NKAIN3: variants seen among roughly 807,000 people sequenced by gnomAD.
NKAIN3 encodes the protein sodium/potassium transporting ATPase interacting 3, also known as sodium/potassium-transporting ATPase subunit beta-1-interacting protein 3.
Under a neutral mutation model 30.2 loss-of-function variants are expected in NKAIN3, and 25 were observed. The ratio of observed to expected loss-of-function variants is 0.83; its 90% CI spans 0.60 to 1.16. NKAIN3 has a LOEUF of 1.16. Ranked by LOEUF, NKAIN3 falls within the 50% of genes most tolerant of loss-of-function variation. NKAIN3 has a pLI of 0.00. For synonymous variants in NKAIN3, 91 were observed against 89.6 expected, an observed-to-expected ratio of 1.02 and a Z score of -0.09; for missense variants, 225 against 254.1, an observed-to-expected ratio of 0.89 and a Z score of 0.78.
chr8:62,792,236 T>C (rs1013623627), intron 4 of NKAIN3, among the ~76,000 whole-genome samples: 18 of 152,138 alleles, frequency 1.2e-4, no homozygotes, highest in Non-Finnish European at 2.6e-4. Context: ...TAGGTCTCCC[T>C]TCCTGTACCT....
At chr8:62,562,289 G>C (rs1300605944) in intron 1 of NKAIN3, among the ~76,000 whole-genome samples, 1 of 152,146 alleles carries the variant, frequency 6.6e-6, no homozygotes, top group African/African-American at 2.4e-5. Context: ...TGTCCCTTGA[G>C]AGTTGTTTAA....
chr8:62,271,066 C>A (rs900752527), intron 1 of NKAIN3, among the ~76,000 whole-genome samples: 5 of 152,098 alleles, frequency 3.3e-5, no homozygotes, highest in African/African-American at 1.2e-4. Flanking sequence ...TAAGAAAAAA[C>A]ATCCAAAATA....
At chr8:62,881,335 T>C (rs1820975359) in intron 4 of NKAIN3, among the ~76,000 whole-genome samples, 1 of 152,234 alleles carries the variant, frequency 6.6e-6, no homozygotes, top group South Asian at 2.1e-4. Flanking sequence ...TCTTTTACTA[T>C]ACTCATATTT....
intron 3 of NKAIN3, among the ~76,000 whole-genome samples, chr8:62,682,509 C>T (rs1276284433): frequency 2.6e-5 from 4 of 152,102 alleles, no homozygotes; most frequent in South Asian, 2.1e-4. Flanking sequence ...ATACAAAGTG[C>T]AGATGTGGGC....
At chr8:62,340,574 C>G (rs556629237) in intron 1 of NKAIN3, among the ~76,000 whole-genome samples, 2 of 152,096 alleles carry the variant, frequency 1.3e-5, no homozygotes, top group Non-Finnish European at 2.9e-5. Context: ...CCTGCCAAAG[C>G]ACTGTACTTT....
chr8:62,798,963 G>T (rs951306968), intron 4 of NKAIN3, among the ~76,000 whole-genome samples: 5 of 152,130 alleles, frequency 3.3e-5, no homozygotes, highest in Non-Finnish European at 7.3e-5. Flanking sequence ...CTGGAGTCAA[G>T]GCAGTAACCA....
intron 4 of NKAIN3, chr8:62,863,971 G>A: frequency 1.2e-6 from 1 of 821,214 alleles, no homozygotes; most frequent in Non-Finnish European, 2.1e-6. Context: ...TGGAGGTGGA[G>A]GAGAAAGAAC....
intron 3 of NKAIN3, among the ~76,000 whole-genome samples, chr8:62,686,515 C>G (rs922246204): frequency 6.6e-6 from 1 of 152,090 alleles, no homozygotes; most frequent in African/African-American, 2.4e-5. Flanking sequence ...CTTACTGCAG[C>G]AAACCATTAC....
At chr8:62,595,382 C>T (rs796488123) in intron 3 of NKAIN3, among the ~76,000 whole-genome samples, 421 of 109,638 alleles carry the variant, frequency 3.8e-3, no homozygotes, top group South Asian at 7.3e-3. Context: ...GGGCTATTTT[C>T]TTTTTTTTTT....
intron 1 of NKAIN3, among the ~76,000 whole-genome samples, chr8:62,302,392 C>T (rs908675371): frequency 6.6e-6 from 1 of 152,042 alleles, no homozygotes; most frequent in African/African-American, 2.4e-5. Flanking sequence ...GACTAGACAT[C>T]GTTTCTAGCT....
chr8:62,538,178 T>G (rs980061624), intron 1 of NKAIN3, among the ~76,000 whole-genome samples: 1 of 152,108 alleles, frequency 6.6e-6, no homozygotes, highest in Non-Finnish European at 1.5e-5. Context: ...TTGTTTGTTG[T>G]TGTTTTTGTT....
intron 1 of NKAIN3, among the ~76,000 whole-genome samples, chr8:62,572,937 A>G (rs1407761302): frequency 1.3e-5 from 2 of 152,188 alleles, no homozygotes; most frequent in Non-Finnish European, 2.9e-5. Flanking sequence ...ATTTGTCTCT[A>G]TATACATTGC....
chr8:62,912,178 T>G (rs1821941382), intron 4 of NKAIN3, among the ~76,000 whole-genome samples: 1 of 152,112 alleles, frequency 6.6e-6, no homozygotes, highest in East Asian at 1.9e-4. Flanking sequence ...TCTAAATATA[T>G]CTAAATATAG....
chr8:62,460,599 C>T (rs1270281626), intron 1 of NKAIN3, among the ~76,000 whole-genome samples: 1 of 152,114 alleles, frequency 6.6e-6, no homozygotes. Context: ...CTCTCCAGAT[C>T]TACAACAGTA....
chr8:62,444,072 C>T (rs1264805261), intron 1 of NKAIN3, among the ~76,000 whole-genome samples: 3 of 152,090 alleles, frequency 2.0e-5, no homozygotes, highest in East Asian at 1.9e-4. Context: ...ACCACTATGA[C>T]GTGCTGCCTT....
At chr8:62,943,687 A>G (rs1024212995) in intron 5 of NKAIN3, among the ~76,000 whole-genome samples, 5 of 150,274 alleles carry the variant, frequency 3.3e-5, no homozygotes, top group South Asian at 2.1e-4. Flanking sequence ...ATATATTTAT[A>G]TGTGTGTGTG....
chr8:62,811,317 G>A (rs1818481277), intron 4 of NKAIN3, among the ~76,000 whole-genome samples: 1 of 152,060 alleles, frequency 6.6e-6, no homozygotes, highest in Non-Finnish European at 1.5e-5. Flanking sequence ...TACAAATAAA[G>A]CTGTTATGAA....
At position 62,969,891 on chromosome 8, in the gene NKAIN3, A is replaced by G. The variant is rs1823794118; in HGVS notation, c.*4484A>G. 6.6e-6 allele frequency among the ~76,000 whole-genome samples: 1 copy of G among 152,124 alleles called. No individual in the cohort carries two copies. The highest frequency in any genetic ancestry group is 6.5e-5 in the Admixed American group (1 of 15,272). The stretch of plus-strand genomic sequence containing the variant: ...TACTCTTCATATAACTGCACAGTGA[A>G]CAATTTAGAAAGGGAACAGATGACC... On this transcript the variant is annotated 3_prime_UTR_variant, in exon 7 of 7. Coordinates refer to ENST00000623646, the MANE Select transcript of NKAIN3 (RefSeq NM_001304533.3).
intron 3 of NKAIN3, among the ~76,000 whole-genome samples, chr8:62,683,889 G>T (rs548034751): frequency 6.6e-6 from 1 of 152,150 alleles, no homozygotes; most frequent in African/African-American, 2.4e-5. Flanking sequence ...GGATGGTCTC[G>T]CTGTTGACCT....
Sources: allele counts gnomAD v4.1 joint callset (sites outside exome capture counted in the v4.1 genomes callset), GRCh38; gene constraint gnomAD v4.1.1; transcripts MANE v1.5; gene names NCBI Gene and HGNC (gene_info 2026-07-23, HGNC 2026-07-21).